MAGI2: variants seen among roughly 807,000 people sequenced by gnomAD.
The protein encoded by MAGI2 is membrane-associated guanylate kinase, WW and PDZ domain-containing protein 2.
Under a neutral mutation model 133.3 loss-of-function variants are expected in MAGI2, and 35 were observed. The ratio of observed to expected loss-of-function variants is 0.26; its 90% CI spans 0.20 to 0.35. The LOEUF is 0.35. Ranked by LOEUF, MAGI2 falls within the 10% of genes least tolerant of loss-of-function variation. The pLI is 1.00. For synonymous variants in MAGI2, 729 were observed against 710.6 expected (o/e 1.03, Z -0.41); for missense variants, 1,636 against 1,863.4 (o/e 0.88, Z 2.25).
At chr7:78,421,724 AGGCTG>A (rs1562970705) in intron 6 of MAGI2, among the ~76,000 whole-genome samples, 1 of 152,142 alleles carries the variant, frequency 6.6e-6, no homozygotes, top group African/African-American at 2.4e-5. Flanking sequence ...GGATTGATTG[AGGCTG>A]GGAGATTGAG....
intron 2 of MAGI2, among the ~76,000 whole-genome samples, chr7:78,948,981 T>C (rs1209005556): frequency 1.3e-5 from 2 of 152,198 alleles, no homozygotes; most frequent in Middle Eastern, 3.4e-3. Flanking sequence ...GTTTTAATTA[T>C]AGCAATCAGT....
intron 9 of MAGI2, among the ~76,000 whole-genome samples, chr7:78,290,218 C>G (rs991327760): frequency 1.3e-5 from 2 of 152,142 alleles, no homozygotes; most frequent in Non-Finnish European, 2.9e-5. Context: ...ATCTCACATG[C>G]AGAGACACAC....
chr7:78,630,272 C>G (rs527627922), intron 2 of MAGI2, among the ~76,000 whole-genome samples: 1 of 152,016 alleles, frequency 6.6e-6, no homozygotes, highest in South Asian at 2.1e-4. Context: ...TCTAACCCTA[C>G]TGCACATACC....
intron 1 of MAGI2, among the ~76,000 whole-genome samples, chr7:79,266,733 G>A (rs146241562): frequency 6.6e-6 from 1 of 152,194 alleles, no homozygotes; most frequent in South Asian, 2.1e-4. Flanking sequence ...TAAACAGTTG[G>A]TCAAGGTGAC....
At chr7:79,073,332 C>T (rs75619642) in intron 1 of MAGI2, among the ~76,000 whole-genome samples, 1 of 152,160 alleles carries the variant, frequency 6.6e-6, no homozygotes, top group Non-Finnish European at 1.5e-5. Context: ...GAATTTGGTT[C>T]TTCCTTGTTC....
chr7:78,666,358 T>C (rs989239549), intron 2 of MAGI2, among the ~76,000 whole-genome samples: 4 of 152,160 alleles, frequency 2.6e-5, no homozygotes, highest in African/African-American at 9.6e-5. Flanking sequence ...GTAATAAACA[T>C]TCTGTCCAGT....
intron 1 of MAGI2, among the ~76,000 whole-genome samples, chr7:79,028,149 T>C (rs1343498447): frequency 1.3e-5 from 2 of 148,246 alleles, no homozygotes; most frequent in Non-Finnish European, 3.0e-5. Context: ...GATGCGGAGG[T>C]TGCAGTGAAC....
At chr7:78,630,491 A>G (rs1422960665) in intron 2 of MAGI2, among the ~76,000 whole-genome samples, 1 of 138,366 alleles carries the variant, frequency 7.2e-6, no homozygotes, top group African/African-American at 2.7e-5. Flanking sequence ...ATCACGGCTC[A>G]CTGCAACTTC....
At chr7:78,657,590 T>C (rs1812443116) in intron 2 of MAGI2, among the ~76,000 whole-genome samples, 1 of 151,862 alleles carries the variant, frequency 6.6e-6, no homozygotes, top group Non-Finnish European at 1.5e-5. Context: ...ATTCCAACTA[T>C]ATGGTATTTG....
At chr7:79,369,377 T>G (rs1360749767) in intron 1 of MAGI2, among the ~76,000 whole-genome samples, 2 of 152,160 alleles carry the variant, frequency 1.3e-5, no homozygotes, top group Non-Finnish European at 2.9e-5. Context: ...AACTTAGTCC[T>G]CTAACCAAGG....
At chr7:78,711,205 C>T (rs1401553243) in intron 2 of MAGI2, among the ~76,000 whole-genome samples, 1 of 152,112 alleles carries the variant, frequency 6.6e-6, no homozygotes, top group African/African-American at 2.4e-5. Context: ...CATTCATTGT[C>T]TATTTGAGGT....
intron 9 of MAGI2, among the ~76,000 whole-genome samples, chr7:78,281,032 A>C (rs1795518424): frequency 6.6e-6 from 1 of 151,970 alleles, no homozygotes; most frequent in South Asian, 2.1e-4. Context: ...TCCTTCAAAG[A>C]GTCATCAGAT....
chr7:79,190,264 T>G (rs1415636039), intron 1 of MAGI2, among the ~76,000 whole-genome samples: 1 of 151,928 alleles, frequency 6.6e-6, no homozygotes, highest in Non-Finnish European at 1.5e-5. Context: ...AGAATTTCTG[T>G]TGCTCCACAT....
In MAGI2 at chr7:78,551,335, T is replaced by G. The variant is rs373591777; in HGVS notation, c.539-29690A>C. ...CTAATGCATAGCAAGTTTACACTGTTTTTTTGTTTTGCTTTGTTTTGATTT... is the reference window on the plus strand; with the variant it reads ...CTAATGCATAGCAAGTTTACACTGTGTTTTTGTTTTGCTTTGTTTTGATTT... On this transcript the variant is annotated intron_variant, in intron 3 of 21. Coordinates refer to ENST00000354212, the MANE Select transcript of MAGI2 (RefSeq NM_012301.4). 6.6e-5 allele frequency among the ~76,000 whole-genome samples: 10 copies of G among 152,350 alleles called. No homozygotes were observed. In the East Asian group the frequency reaches 7.7e-4, roughly 12 times the overall value.
intron 17 of MAGI2, 93 bp downstream of exon 17, chr7:78,134,928 T>G (rs1231021543): frequency 5.0e-5 from 53 of 1,070,014 alleles, no homozygotes; most frequent in Non-Finnish European, 4.1e-6. Flanking sequence ...GGCAGGCAGG[T>G]GCACTCCGCG....
intron 9 of MAGI2, among the ~76,000 whole-genome samples, chr7:78,297,984 ATT>A (rs1234259998): frequency 1.7e-5 from 2 of 117,086 alleles, no homozygotes; most frequent in East Asian, 3.4e-4. Context: ...TTAAAGTATA[ATT>A]AAAAAAAAAG....
chr7:79,093,381 C>T (rs560451295), intron 1 of MAGI2, among the ~76,000 whole-genome samples: 2 of 152,188 alleles, frequency 1.3e-5, no homozygotes, highest in South Asian at 4.1e-4. Context: ...GGGTTCAGAT[C>T]CAGACCACCA....
At chr7:79,417,742 C>T (rs1232507029) in intron 1 of MAGI2, among the ~76,000 whole-genome samples, 4 of 136,852 alleles carry the variant, frequency 2.9e-5, no homozygotes, top group Middle Eastern at 3.6e-3. Context: ...AATATGTCCA[C>T]ATATGCACAA....
At chr7:78,893,240 G>C (rs755956066) in intron 2 of MAGI2, among the ~76,000 whole-genome samples, 1 of 152,178 alleles carries the variant, frequency 6.6e-6, no homozygotes, top group Non-Finnish European at 1.5e-5. Context: ...ACAGGTGCTG[G>C]AGAGGATGTG....
Sources: gnomAD v4.1 joint callset for allele counts (sites outside exome capture counted in the v4.1 genomes callset) on GRCh38, gnomAD v4.1.1 for gene constraint, MANE v1.5 for transcripts, NCBI Gene and HGNC (gene_info 2026-07-23, HGNC 2026-07-21) for gene names.